Variants in CBY2 observed in about 807,000 individuals in gnomAD.
CBY2 encodes the protein chibby family member 2, also known as protein chibby homolog 2.
CBY2 carries 23 observed loss-of-function variants against 25.3 expected under a neutral mutation model. That is an observed-to-expected ratio of 0.91 (90% confidence interval 0.65 to 1.29). The LOEUF (loss-of-function observed/expected upper bound fraction) is 1.29. Among genes scored for constraint, CBY2 ranks in the 50% most tolerant of loss-of-function variants. The probability of loss-of-function intolerance (pLI) is 0.00; values close to 1 mark genes in which losing one functional copy is unlikely to be tolerated. For synonymous variants in CBY2, 279 were observed against 260.2 expected (o/e 1.07, Z -0.70); for missense variants, 642 against 590.7 (o/e 1.09, Z -0.90).
Position 45,702,490 on chromosome 13 carries a change from A to C in CBY2, c.75+25A>C, listed in dbSNP as rs967083964. 6.9e-6 allele frequency: 11 copies of C among 1,595,924 alleles called. No individual in the cohort carries two copies. In the African/African-American group the frequency reaches 9.4e-5, roughly 14 times the overall value. Reference sequence around the variant, plus strand: ...GGTATGGCTTTTTACTTGAGATAGAAATAATCATCTTAGACAGGGAAGCAG... The same window carrying C: ...GGTATGGCTTTTTACTTGAGATAGACATAATCATCTTAGACAGGGAAGCAG... On this transcript the variant is annotated intron_variant, in intron 1 of 2. Coordinates refer to ENST00000310521, the MANE Select transcript of CBY2 (RefSeq NM_152719.3).
At chr13:45,706,806 C>T (rs1013519482) in intron 2 of CBY2, among the ~76,000 whole-genome samples, 1 of 152,088 alleles carries the variant, frequency 6.6e-6, no homozygotes, top group African/African-American at 2.4e-5. Flanking sequence ...TACCACTGGT[C>T]GAGGAGTCCT....
At chr13:45,703,944 C>T (rs1388118789) in intron 2 of CBY2, among the ~76,000 whole-genome samples, 1 of 152,106 alleles carries the variant, frequency 6.6e-6, no homozygotes, top group Non-Finnish European at 1.5e-5. Context: ...GGTGTTACTG[C>T]TGTGATTCCT....
chr13:45,709,482 G>A (rs1950257372), intron 2 of CBY2, among the ~76,000 whole-genome samples: 1 of 152,180 alleles, frequency 6.6e-6, no homozygotes, highest in Non-Finnish European at 1.5e-5. Flanking sequence ...TCGTTAAAAA[G>A]AAATGAGAAT....
At chr13:45,707,724 T>A (rs1049791259) in intron 2 of CBY2, among the ~76,000 whole-genome samples, 1 of 152,190 alleles carries the variant, frequency 6.6e-6, no homozygotes, top group African/African-American at 2.4e-5. Flanking sequence ...ACATGCAAAA[T>A]AAAATGTCTG....
At chr13:45,710,841 C>G (rs1248632297) in intron 2 of CBY2, among the ~76,000 whole-genome samples, 1 of 152,182 alleles carries the variant, frequency 6.6e-6, no homozygotes, top group Non-Finnish European at 1.5e-5. Context: ...GTGCTTATTG[C>G]AAAGTTAATG....
intron 2 of CBY2, among the ~76,000 whole-genome samples, chr13:45,709,356 A>T (rs2137506330): frequency 6.6e-6 from 1 of 152,360 alleles, no homozygotes; most frequent in Non-Finnish European, 1.5e-5. Flanking sequence ...AGGCAGCTGA[A>T]TGCCATGGGT....
rs1398901474 is a variant in CBY2, at chr13:45,703,588, AGAGGTAACTATCT to A, written c.156+737_156+749del. 3.9e-6 allele frequency: 6 copies of A among 1,550,682 alleles called. No individual in the cohort carries two copies. The African/African-American group carries it at 8.2e-5, about 21-fold the overall frequency. ...AATGTAGGATGGAGGAATCCAATGC[AGAGGTAACTATCT>A]GAGAGCTCTGTCCAGGGATGTGTAG... On this transcript the variant is annotated intron_variant, in intron 2 of 2. Transcript: ENST00000310521.
At chr13:45,707,040 C>T (rs896334784) in intron 2 of CBY2, among the ~76,000 whole-genome samples, 1 of 152,196 alleles carries the variant, frequency 6.6e-6, no homozygotes, top group Non-Finnish European at 1.5e-5. Context: ...TGTCCTCTGG[C>T]AACCCCAGGA....
rs771452040 is a variant in CBY2 at position 45,713,907 on chromosome 13, C to G, written c.882C>G (p.Pro294=). 3 of 1,534,532 alleles carry G rather than the reference C, an allele frequency of 2.0e-6. No individual in the cohort carries two copies. The highest frequency in any genetic ancestry group is 4.9e-5 in the East Asian group (2 of 40,842). The change falls in exon 3 of 3, where the codon CCC becomes CCG. Residue 294 remains proline (P), a synonymous_variant. Coordinates refer to ENST00000310521, the MANE Select transcript of CBY2 (RefSeq NM_152719.3). This position sits in a 1 kb window ranked among gnomAD's most constrained non-coding sequence, Gnocchi z 5.0. ...CACCCCACGAGGAGCCCTGCAGCCC[C>G]GGGCTGCTGCAGGACCAGGGCTCCG... is the stretch of plus-strand genomic sequence containing the variant. The part of the protein sequence containing the change: ...APSPHEEPCS[P]GLLQDQGSGL...
rs944993803 is a variant in CBY2, at chr13:45,704,343, G to A, written c.156+1488G>A. Among the ~76,000 whole-genome samples the A allele has an allele frequency of 2.0e-5, 3 of 152,186 alleles. No homozygotes were observed. The highest frequency in any genetic ancestry group is 7.2e-5 in the African/African-American group (3 of 41,446). On this transcript the variant is annotated intron_variant, in intron 2 of 2. Coordinates refer to ENST00000310521, the MANE Select transcript of CBY2 (RefSeq NM_152719.3). This position sits in a 1 kb window ranked among gnomAD's most constrained non-coding sequence, Gnocchi z 4.1. ...CCTGGTGCTGCTGCTGGGGTCTTGT[G>A]GGGCAGAGTGGGTGAAGAATGAGAG... is the stretch of plus-strand genomic sequence containing the variant.
At position 45,713,180 on chromosome 13, in the gene CBY2, A is replaced by AGAGG. The variant is rs758963882; in HGVS notation, c.157_160dup. The AGAGG allele has an allele frequency of 5.5e-5, 88 of 1,606,214 alleles. 1 individual carries two copies. The Admixed American group carries it at 1.1e-3, about 20-fold the overall frequency. ...GCTGGGCTTTCCCATTCTCTCCCGCAGAGGGGCACAGCCGAACCCTTCCCG... is the reference window on the plus strand; with the variant it reads ...GCTGGGCTTTCCCATTCTCTCCCGCAGAGGGAGGGGCACAGCCGAACCCTTCCCG... On this transcript the variant is annotated splice_acceptor_variant, in intron 2 of 2. Transcript: ENST00000310521. LOFTEE classifies it high-confidence loss of function. This position sits in a 1 kb window ranked among gnomAD's most constrained non-coding sequence, Gnocchi z 5.0.
At chr13:45,707,780 TC>T (rs35465630) in intron 2 of CBY2, among the ~76,000 whole-genome samples, 21,667 of 152,210 alleles carry the variant, frequency 0.14, 1,685 homozygotes, top group Middle Eastern at 0.17. Flanking sequence ...GAGTCAAATA[TC>T]CTCATTTTAA....
At chr13:45,705,930 T>G (rs535572898) in intron 2 of CBY2, among the ~76,000 whole-genome samples, 2 of 152,310 alleles carry the variant, frequency 1.3e-5, no homozygotes, top group Non-Finnish European at 2.9e-5. Context: ...GGACATCTCT[T>G]CTGGGCTGTG....
rs112770979 is a variant in CBY2, at chr13:45,713,957, C to T, written c.932C>T (p.Pro311Leu). ...GGCCTCTCCTCCCGCTTCGAGGAGC[C>T]CAAAGGGCCTCCGGCCCGGCAGGAG... ...GSGLSSRFEE[P>L]KGPPARQEDS... The change falls in exon 3 of 3, where the codon CCC (proline) becomes CTC (leucine). Residue 311 changes from proline to leucine, a missense_variant. Pro to Leu is a moderately conservative substitution (Grantham distance 98). Coordinates refer to ENST00000310521, the MANE Select transcript of CBY2 (RefSeq NM_152719.3). This position sits in a 1 kb window ranked among gnomAD's most constrained non-coding sequence, Gnocchi z 5.0. The T allele has an allele frequency of 8.8e-4, 1,337 of 1,525,026 alleles. 10 individuals carry two copies. In the African/African-American group the frequency reaches 0.017, roughly 20 times the overall value. 94.5% of individuals were successfully genotyped at this position (1,525,026 alleles called of 1,614,324 possible).
chr13:45,703,648 G>A, intron 2 of CBY2: 1 of 1,411,988 alleles, frequency 7.1e-7, no homozygotes, highest in Non-Finnish European at 9.8e-7. Context: ...ACCACTGGTG[G>A]GCATTCCATA....
chr13:45,703,000 G>C, intron 2 of CBY2, 145 bp downstream of exon 2: 1 of 1,098,848 alleles, frequency 9.1e-7, no homozygotes, highest in Non-Finnish European at 1.3e-6. Context: ...GTGCCAGCAG[G>C]CGGTGTGCTG....
rs757132360 is a variant in CBY2, at chr13:45,713,826, C to T, written c.801C>T (p.Tyr267=). Residue 267 remains tyrosine (Y), a synonymous_variant, in exon 3 of 3, where the codon TAC becomes TAT. Transcript: ENST00000310521. The surrounding 1 kb of genome is among the most constrained non-coding windows in gnomAD (Gnocchi z 5.0). The part of the protein sequence containing the change: ...LQQLLEQKQA[Y]WAQAEDTAAP... ...AGCTGCTGGAGCAGAAACAGGCCTACTGGGCGCAGGCAGAGGACACGGCCG... is the reference window on the plus strand; with the variant it reads ...AGCTGCTGGAGCAGAAACAGGCCTATTGGGCGCAGGCAGAGGACACGGCCG... 1.2e-5 allele frequency: 19 copies of T among 1,540,268 alleles called. No homozygotes were observed. Among genetic ancestry groups the T allele is most frequent in the Non-Finnish European group, 1.6e-5 (18 of 1,144,986 alleles).
intron 2 of CBY2, among the ~76,000 whole-genome samples, chr13:45,708,720 G>C (rs965407227): frequency 1.3e-5 from 2 of 152,120 alleles, no homozygotes; most frequent in Admixed American, 6.6e-5. Context: ...TTTAATATAG[G>C]TATGTTTTCC....
At chr13:45,710,807 G>A (rs750956982) in intron 2 of CBY2, among the ~76,000 whole-genome samples, 3 of 152,172 alleles carry the variant, frequency 2.0e-5, no homozygotes, top group Non-Finnish European at 4.4e-5. Flanking sequence ...AAGATTGAGC[G>A]TATCCTTACA....
Sources: gnomAD v4.1 joint callset for allele counts (sites outside exome capture counted in the v4.1 genomes callset) on GRCh38, gnomAD v4.1.1 for gene constraint, Gnocchi (gnomAD v3.1) non-coding constraint, MANE v1.5 for transcripts, NCBI Gene and HGNC (gene_info 2026-07-23, HGNC 2026-07-21) for gene names.